Variants in ADAMTSL1 observed in about 807,000 individuals in gnomAD.
ADAMTSL1 encodes ADAMTS like 1.
In ADAMTSL1, 126 loss-of-function variants were observed where a neutral mutation model predicts 201.8. The observed-to-expected ratio is 0.62, with a 90% CI of 0.54 to 0.72. ADAMTSL1 has a LOEUF of 0.72. Ranked by LOEUF, ADAMTSL1 falls within the 30% of genes least tolerant of loss-of-function variation. The pLI, the probability that ADAMTSL1 is intolerant of heterozygous loss-of-function variation, is 0.00. For missense variants in ADAMTSL1, 2,679 were observed against 2,277.8 expected (o/e 1.18, Z -3.59); for synonymous variants, 1,121 against 903.4 (o/e 1.24, Z -4.32).
intron 2 of ADAMTSL1, among the ~76,000 whole-genome samples, chr9:18,327,834 T>C (rs534055345): frequency 6.6e-6 from 1 of 152,222 alleles, no homozygotes; most frequent in Non-Finnish European, 1.5e-5. Flanking sequence ...AAATATAGCT[T>C]GCTTACCATT....
intron 4 of ADAMTSL1, among the ~76,000 whole-genome samples, chr9:18,607,793 G>T (rs1366975363): frequency 1.4e-5 from 2 of 144,616 alleles, no homozygotes; most frequent in Non-Finnish European, 3.0e-5. Flanking sequence ...TGTTCTCATT[G>T]TTCAGTTCCC....
chr9:18,046,474 T>A (rs936814459), intron 1 of ADAMTSL1, among the ~76,000 whole-genome samples: 3 of 152,168 alleles, frequency 2.0e-5, no homozygotes, highest in Admixed American at 2.0e-4. Context: ...TATCAACCAC[T>A]TCTATTCACA....
chr9:18,346,721 A>G (rs1405209545), intron 2 of ADAMTSL1, among the ~76,000 whole-genome samples: 1 of 152,158 alleles, frequency 6.6e-6, no homozygotes, highest in African/African-American at 2.4e-5. Flanking sequence ...TGAAGTCCAG[A>G]AATCTTTAGA....
chr9:18,512,405 G>T lies in ADAMTSL1; in HGVS notation c.191+7449G>T, dbSNP rs970239546. Among the ~76,000 whole-genome samples the T allele has an allele frequency of 1.1e-4, 16 of 151,930 alleles. 1 individual carries two copies. Among genetic ancestry groups the T allele is most frequent in the Admixed American group, 9.2e-4 (14 of 15,260 alleles). Reference sequence around the variant, plus strand: ...CCATAACATTTACTTGCCATATCAGGAATCTGTAACTCTTAGATGTCTTTT... The same window carrying T: ...CCATAACATTTACTTGCCATATCAGTAATCTGTAACTCTTAGATGTCTTTT... On this transcript the variant is annotated intron_variant, in intron 2 of 28. Transcript: ENST00000380548.
chr9:18,892,417 A>T lies in ADAMTSL1; in HGVS notation c.4672A>T (p.Thr1558Ser), dbSNP rs776587711. 2 of 1,613,256 alleles carry T rather than the reference A, an allele frequency of 1.2e-6. No individual in the cohort carries two copies. The highest frequency in any genetic ancestry group is 2.7e-5 in the African/African-American group (2 of 74,876). Residue 1558 changes from threonine to serine, a missense_variant, in exon 26 of 29, where the codon ACC (threonine) becomes TCC (serine). Transcript: ENST00000380548. ...GATGGTGACCTCCTGGTCTGCCTGT[A>T]CCCGGAGCTGTGGGGGAGGTGTCCA... is the stretch of plus-strand genomic sequence containing the variant. ...RWMVTSWSAC[T>S]RSCGGGVQTR...
chr9:18,554,346 T>C (rs1424607265), intron 3 of ADAMTSL1, among the ~76,000 whole-genome samples: 1 of 151,840 alleles, frequency 6.6e-6, no homozygotes, highest in Admixed American at 6.6e-5. Flanking sequence ...CACGTTGCCT[T>C]GTTTCCTCAT....
At chr9:18,780,586 G>C (rs756945449) in intron 19 of ADAMTSL1, among the ~76,000 whole-genome samples, 5 of 152,038 alleles carry the variant, frequency 3.3e-5, no homozygotes, top group African/African-American at 4.8e-5. Flanking sequence ...TCTATAAAAA[G>C]TACAAGCCTC....
intron 4 of ADAMTSL1, among the ~76,000 whole-genome samples, chr9:18,583,762 T>C (rs1263615711): frequency 6.6e-6 from 1 of 152,164 alleles, no homozygotes; most frequent in Non-Finnish European, 1.5e-5. Context: ...GTGATCCAGA[T>C]ATGAGACAGG....
intron 2 of ADAMTSL1, among the ~76,000 whole-genome samples, chr9:18,417,879 C>A (rs373923771): frequency 2.6e-5 from 4 of 152,024 alleles, no homozygotes; most frequent in African/African-American, 7.2e-5. Context: ...TTTTATAAAG[C>A]CAGAATGAGG....
At chr9:18,320,377 A>AG (rs1166187856) in intron 2 of ADAMTSL1, among the ~76,000 whole-genome samples, 1 of 152,244 alleles carries the variant, frequency 6.6e-6, no homozygotes, top group African/African-American at 2.4e-5. Context: ...AAGTCCTGAG[A>AG]GAAAAACAAG....
intron 15 of ADAMTSL1, among the ~76,000 whole-genome samples, chr9:18,747,276 G>A (rs1187202205): frequency 6.6e-6 from 1 of 152,104 alleles, no homozygotes; most frequent in Admixed American, 6.5e-5. Context: ...CCTGTAAAAT[G>A]GGGAAACTTA....
At chr9:18,140,489 C>T (rs548405290) in intron 1 of ADAMTSL1, among the ~76,000 whole-genome samples, 1 of 152,194 alleles carries the variant, frequency 6.6e-6, no homozygotes, top group African/African-American at 2.4e-5. Flanking sequence ...GTTGGACACA[C>T]ATGTGTGAAA....
At chr9:18,536,658 A>C (rs934798569) in intron 3 of ADAMTSL1, among the ~76,000 whole-genome samples, 1 of 152,148 alleles carries the variant, frequency 6.6e-6, no homozygotes, top group African/African-American at 2.4e-5. Context: ...CCCATTTTAC[A>C]GTTCCCTGCT....
intron 2 of ADAMTSL1, among the ~76,000 whole-genome samples, chr9:18,331,483 T>A (rs903397017): frequency 6.6e-6 from 1 of 152,164 alleles, no homozygotes; most frequent in Admixed American, 6.5e-5. Context: ...TGAACAATAG[T>A]AATTAGTCCT....
rs143715680 is a variant in ADAMTSL1 at position 18,072,141 on chromosome 9, C to T, written c.88-91721C>T. On this transcript the variant is annotated intron_variant, in intron 1 of 29. Coordinates refer to the ADAMTSL1 transcript ENST00000680146. ...GATCTTATTTTTGGATTGTATTTGTCGTTTTTCTTGTTTTTCAGGAAATGA... is the reference window on the plus strand; with the variant it reads ...GATCTTATTTTTGGATTGTATTTGTTGTTTTTCTTGTTTTTCAGGAAATGA... Among the ~76,000 whole-genome samples the T allele has an allele frequency of 2.9e-3, 436 of 152,180 alleles. 9 individuals are homozygous for T. In the South Asian group the frequency reaches 0.05, roughly 18 times the overall value.
At chr9:18,354,782 A>G (rs1294687731) in intron 2 of ADAMTSL1, among the ~76,000 whole-genome samples, 1 of 152,160 alleles carries the variant, frequency 6.6e-6, no homozygotes, top group Admixed American at 6.5e-5. Flanking sequence ...AGTCTGGCCA[A>G]CGTATAGTGA....
intron 2 of ADAMTSL1, among the ~76,000 whole-genome samples, chr9:18,289,397 A>T (rs1197030669): frequency 1.3e-5 from 2 of 152,218 alleles, no homozygotes; most frequent in East Asian, 3.8e-4. Flanking sequence ...CTTGTGGCCC[A>T]GTCAAGTTCA....
intron 1 of ADAMTSL1, among the ~76,000 whole-genome samples, chr9:17,956,620 C>A (rs10963360): frequency 6.6e-6 from 1 of 151,854 alleles, no homozygotes; most frequent in African/African-American, 2.4e-5. Context: ...TGCTCTCTCT[C>A]TTTCTTTGGA....
chr9:18,877,385 AG>A (rs1828234242), intron 23 of ADAMTSL1, among the ~76,000 whole-genome samples: 1 of 152,182 alleles, frequency 6.6e-6, no homozygotes, highest in African/African-American at 2.4e-5. Context: ...CTGGGGCTCA[AG>A]GGCTGCTGTT....
Sources: allele counts gnomAD v4.1 joint callset (sites outside exome capture counted in the v4.1 genomes callset), GRCh38; gene constraint gnomAD v4.1.1; transcripts MANE v1.5; gene names NCBI Gene and HGNC (gene_info 2026-07-23, HGNC 2026-07-21).